The following MINK1 variants were observed in gnomAD, a reference collection of about 807,000 sequenced individuals.
MINK1 encodes the protein misshapen like kinase 1, also known as misshapen-like kinase 1.
In MINK1, 46 loss-of-function variants were observed where a neutral mutation model predicts 178.4. That is an observed-to-expected ratio of 0.26 (90% confidence interval 0.20 to 0.33). The LOEUF is 0.33. Ranked by LOEUF, MINK1 falls within the 10% of genes least tolerant of loss-of-function variation. The probability of loss-of-function intolerance (pLI) is 1.00; values close to 1 mark genes in which losing one functional copy is unlikely to be tolerated. For missense variants in MINK1, 1,366 were observed against 1,814.9 expected (o/e 0.75, Z 4.49); for synonymous variants, 797 against 709.7 (o/e 1.12, Z -1.96).
chr17:4,896,210 C>T lies in MINK1; in HGVS notation c.3483C>T (p.Pro1161=), dbSNP rs199986579. 4.4e-6 allele frequency: 7 copies of T among 1,599,138 alleles called. No homozygotes were observed. The highest frequency in any genetic ancestry group is 2.7e-5 in the African/African-American group (2 of 74,802). ...FMAFKSFADL[P]HRPLLVDLTV... is the part of the protein sequence containing the mutation. ...CTCTGCAGTCCTTTGCCGACCTCCC[C>T]CACCGCCCTCTGCTGGTCGACCTGA... The change falls in exon 29 of 32, where the codon CCC becomes CCT. Residue 1161 remains proline, a synonymous_variant. Transcript: ENST00000355280. This position sits in a 1 kb window ranked among gnomAD's most constrained non-coding sequence, Gnocchi z 4.6.
In MINK1 at chr17:4,897,446, C is replaced by T. The variant is rs369766748; in HGVS notation, c.*159C>T. Reference sequence around the variant, plus strand: ...CGTGACCTCTGACCCCTGATGCTTTCGTGATCACGTGACCATCCTCTTCCC... The same window carrying T: ...CGTGACCTCTGACCCCTGATGCTTTTGTGATCACGTGACCATCCTCTTCCC... On this transcript the variant is annotated 3_prime_UTR_variant, in exon 32 of 32. Coordinates refer to ENST00000355280, the MANE Select transcript of MINK1 (RefSeq NM_153827.5). 5.4e-5 allele frequency: 33 copies of T among 616,540 alleles called. No homozygotes were observed. The highest frequency in any genetic ancestry group is 2.0e-4 in the East Asian group (7 of 34,740). The allele number at this position is 616,540 out of a possible 1,614,324, so 38.2% of individuals were successfully genotyped here.
intron 2 of MINK1, among the ~76,000 whole-genome samples, chr17:4,880,300 CTTTTT>C (rs1301744231): frequency 1.4e-5 from 2 of 138,588 alleles, no homozygotes; most frequent in Non-Finnish European, 3.2e-5. Context: ...TTTTTCTTTT[CTTTTT>C]TTTTTTTTTT....
At position 4,896,180 on chromosome 17, in the gene MINK1, C is replaced by T. The variant is rs767010634; in HGVS notation, c.3466-13C>T. On this transcript the variant is annotated splice_polypyrimidine_tract_variant and intron_variant, in intron 28 of 31. Transcript: ENST00000355280. The surrounding 1 kb of genome is among the most constrained non-coding windows in gnomAD (Gnocchi z 4.6). ...CGTGCCCCTGAGCCCTCCTCTCCTCCGGTTCTCTGCAGTCCTTTGCCGACC... is the reference window on the plus strand; with the variant it reads ...CGTGCCCCTGAGCCCTCCTCTCCTCTGGTTCTCTGCAGTCCTTTGCCGACC... 222 of 1,599,084 alleles carry T rather than the reference C, an allele frequency of 1.4e-4. No individual in the cohort carries two copies. The highest frequency in any genetic ancestry group is 1.7e-4 in the Middle Eastern group (1 of 5,958).
chr17:4,897,504 C>G lies in MINK1; in HGVS notation c.*217C>G, dbSNP rs1969677202. ...TCCTCTTCCCAAAACTGTGCCTGTCCCCAGCTTCTGGGGAGGGACACAGCT... is the reference window on the plus strand; with the variant it reads ...TCCTCTTCCCAAAACTGTGCCTGTCGCCAGCTTCTGGGGAGGGACACAGCT... On this transcript the variant is annotated 3_prime_UTR_variant, in exon 32 of 32. Coordinates refer to ENST00000355280, the MANE Select transcript of MINK1 (RefSeq NM_153827.5). 1.9e-6 allele frequency: 1 copy of G among 533,618 alleles called. No individual in the cohort carries two copies. Among genetic ancestry groups the G allele is most frequent in the African/African-American group, 1.9e-5 (1 of 51,814 alleles). The allele number at this position is 533,618 out of a possible 1,614,324, so 33.1% of individuals were successfully genotyped here.
At chr17:4,841,076 T>A (rs1165512106) in intron 1 of MINK1, among the ~76,000 whole-genome samples, 1 of 152,052 alleles carries the variant, frequency 6.6e-6, no homozygotes, top group Non-Finnish European at 1.5e-5. Flanking sequence ...CCACAGCAGG[T>A]AAATTCCAGG....
intron 13 of MINK1, 107 bp from the exon 14 acceptor site, chr17:4,890,410 A>G (rs1274728513): frequency 2.7e-6 from 4 of 1,475,440 alleles, no homozygotes; most frequent in South Asian, 1.4e-5. Flanking sequence ...CAGGACATCA[A>G]GGGAATACAT....
At position 4,836,276 on chromosome 17, in the gene MINK1, A is replaced by G. The variant is rs1379078955; in HGVS notation, c.57+2636A>G. 6.6e-6 allele frequency among the ~76,000 whole-genome samples: 1 copy of G among 152,192 alleles called. No homozygotes were observed. The highest frequency in any genetic ancestry group is 2.4e-5 in the African/African-American group (1 of 41,440). On this transcript the variant is annotated intron_variant, in intron 1 of 31. Transcript: ENST00000355280. This position sits in a 1 kb window ranked among gnomAD's most constrained non-coding sequence, Gnocchi z 4.3. ...GGTGTATTTCTCCTCTTGTTTCAAGATAAGGCTTGGTTTTCAGCTGGTGAT... is the reference window on the plus strand; with the variant it reads ...GGTGTATTTCTCCTCTTGTTTCAAGGTAAGGCTTGGTTTTCAGCTGGTGAT...
chr17:4,882,578 G>A (rs1391648824), intron 4 of MINK1, among the ~76,000 whole-genome samples: 2 of 152,176 alleles, frequency 1.3e-5, no homozygotes, highest in Non-Finnish European at 2.9e-5. Flanking sequence ...CTGCTTCTAA[G>A]TCAGGGACTG....
chr17:4,869,807 T>TA (rs1915622493), intron 1 of MINK1, among the ~76,000 whole-genome samples: 1 of 135,936 alleles, frequency 7.4e-6, no homozygotes, highest in South Asian at 2.2e-4. Context: ...TTTATTTTAT[T>TA]TATTATTTTA....
chr17:4,845,090 A>AG (rs1344712716), intron 1 of MINK1, among the ~76,000 whole-genome samples: 6 of 152,278 alleles, frequency 3.9e-5, no homozygotes. Flanking sequence ...AGTTGAGCAG[A>AG]GGGTCTGACC....
chr17:4,872,329 TAAA>T (rs766022684), intron 1 of MINK1, among the ~76,000 whole-genome samples: 2 of 117,602 alleles, frequency 1.7e-5, no homozygotes, highest in Non-Finnish European at 1.8e-5. Flanking sequence ...GACTAAGTCT[TAAA>T]AAAAAAAAAA....
At chr17:4,844,713 C>G (rs930572381) in intron 1 of MINK1, 4 of 327,686 alleles carry the variant, frequency 1.2e-5, no homozygotes, top group African/African-American at 2.3e-5. Context: ...ATGAAGAGGA[C>G]ATGCAGAAGA....
chr17:4,869,787 T>C (rs1915616944), intron 1 of MINK1, among the ~76,000 whole-genome samples: 1 of 147,416 alleles, frequency 6.8e-6, no homozygotes, highest in African/African-American at 2.5e-5. Context: ...TTTATTTTTA[T>C]TTATTCATTT....
Position 4,897,256 on chromosome 17 carries a change from C to T in MINK1, c.3968C>T (p.Thr1323Ile). ...GGCAGCAGCCAAGTTTACTTCATGA[C>T]TCTGAACCGTAACTGCATCATGAAC... ...SGGSSQVYFMTLNRNCIMNW is the reference protein window; with the variant it reads ...SGGSSQVYFMILNRNCIMNW The change falls in exon 32 of 32, where the codon ACT becomes ATT. Residue 1323 changes from threonine (T) to isoleucine (I), a missense_variant. This residue lies in a region of MINK1 where 201 missense variants were observed against 240.7 expected (regional missense o/e 0.84). Coordinates refer to ENST00000355280, the MANE Select transcript of MINK1 (RefSeq NM_153827.5). 2 of 1,613,788 alleles carry T rather than the reference C, an allele frequency of 1.2e-6. No individual in the cohort carries two copies. The highest frequency in any genetic ancestry group is 1.7e-6 in the Non-Finnish European group (2 of 1,179,754).
chr17:4,893,476 C>G lies in MINK1; in HGVS notation c.2443C>G (p.Arg815Gly), dbSNP rs747456065. 6.3e-7 allele frequency: 1 copy of G among 1,594,548 alleles called. No homozygotes were observed. The highest frequency in any genetic ancestry group is 1.3e-5 in the African/African-American group (1 of 74,530). Residue 815 changes from arginine (R) to glycine (G), a missense_variant, in exon 21 of 32, where the codon CGG becomes GGG. Physicochemically the swap from Arg to Gly is moderately radical, Grantham distance 125 (BLOSUM62 -2). Coordinates refer to ENST00000355280, the MANE Select transcript of MINK1 (RefSeq NM_153827.5). ...LKERTLDEAP[R>G]PPKKAMDYSS... ...AGAGCGGACTCTGGACGAGGCCCCT[C>G]GGCCTCCCAAGAAGGCCATGGACTA...
In MINK1 at chr17:4,885,906, T is replaced by C; in HGVS notation, c.640-5T>C. 10 of 1,613,678 alleles carry C rather than the reference T, an allele frequency of 6.2e-6. No homozygotes were observed. Among genetic ancestry groups the C allele is most frequent in the Non-Finnish European group, 8.5e-6 (10 of 1,179,684 alleles). ...ATTCACTTGTTCCTTCTTTCCCGTC[T>C]ATAGAGTGATATTTGGTCTCTAGGA... On this transcript the variant is annotated splice_polypyrimidine_tract_variant and splice_region_variant and intron_variant, in intron 7 of 31. Transcript: ENST00000355280. This position sits in a 1 kb window ranked among gnomAD's most constrained non-coding sequence, Gnocchi z 5.0.
intron 1 of MINK1, among the ~76,000 whole-genome samples, chr17:4,874,740 C>T (rs1052362865): frequency 1.3e-5 from 2 of 152,028 alleles, no homozygotes; most frequent in South Asian, 2.1e-4. Context: ...GTGCCACGTG[C>T]GGGACCCCAA....
At chr17:4,854,484 G>A (rs1295096595) in intron 1 of MINK1, among the ~76,000 whole-genome samples, 3 of 152,202 alleles carry the variant, frequency 2.0e-5, no homozygotes, top group African/African-American at 7.2e-5. Flanking sequence ...GCTCTGACTG[G>A]TTTCTGATGA....
intron 2 of MINK1, among the ~76,000 whole-genome samples, chr17:4,880,235 T>C (rs1281380607): frequency 6.6e-6 from 1 of 151,926 alleles, no homozygotes; most frequent in African/African-American, 2.4e-5. Context: ...CTCTGTCCAC[T>C]CCCATGAGCA....
Sources: gnomAD v4.1 joint callset for allele counts (sites outside exome capture counted in the v4.1 genomes callset) on GRCh38, gnomAD v4.1.1 for gene constraint, gnomAD v4.1.1 regional missense constraint, Gnocchi (gnomAD v3.1) non-coding constraint, MANE v1.5 for transcripts, NCBI Gene and HGNC (gene_info 2026-07-23, HGNC 2026-07-21) for gene names.